Variants in RCAN2 observed in about 807,000 individuals in gnomAD.
RCAN2 encodes the protein regulator of calcineurin 2, also known as calcipressin-2.
In RCAN2, 9 loss-of-function variants were observed where a neutral mutation model predicts 23.6. The observed-to-expected ratio is 0.38, with a 90% CI of 0.23 to 0.67. The LOEUF (loss-of-function observed/expected upper bound fraction) is 0.67. Ranked by LOEUF, RCAN2 falls within the 30% of genes least tolerant of loss-of-function variation. The pLI, the probability that RCAN2 is intolerant of heterozygous loss-of-function variation, is 0.51. For missense variants in RCAN2, 273 were observed against 302.3 expected (o/e 0.90, Z 0.72); for synonymous variants, 109 against 115.7 (o/e 0.94, Z 0.37).
At chr6:46,362,806 A>G (rs1765055205) in intron 2 of RCAN2, among the ~76,000 whole-genome samples, 1 of 152,122 alleles carries the variant, frequency 6.6e-6, no homozygotes, top group South Asian at 2.1e-4. Context: ...CATATTTTCA[A>G]ATGTATCCAG....
At chr6:46,244,227 A>G (rs1226419823) in intron 4 of RCAN2, among the ~76,000 whole-genome samples, 1 of 152,182 alleles carries the variant, frequency 6.6e-6, no homozygotes, top group Non-Finnish European at 1.5e-5. Flanking sequence ...AACATTATTG[A>G]TAAGTTATTT....
intron 2 of RCAN2, among the ~76,000 whole-genome samples, chr6:46,424,471 T>TACCAACCCATCCTCCAGTTC (rs1766979303): frequency 1.3e-5 from 2 of 152,256 alleles, no homozygotes; most frequent in South Asian, 4.1e-4. Context: ...GGACTCAGTT[T>TACCAACCCATCCTCCAGTTC]ACCAACCCAT....
intron 2 of RCAN2, among the ~76,000 whole-genome samples, chr6:46,316,331 C>G (rs1763437172): frequency 6.6e-6 from 1 of 152,106 alleles, no homozygotes; most frequent in Non-Finnish European, 1.5e-5. Flanking sequence ...ATGAGGTAAG[C>G]AGTATTATTT....
intron 2 of RCAN2, among the ~76,000 whole-genome samples, chr6:46,388,292 A>G (rs1168528870): frequency 6.6e-6 from 1 of 151,946 alleles, no homozygotes; most frequent in African/African-American, 2.4e-5. Context: ...AATTTTAAAA[A>G]AAAGAAACAA....
chr6:46,313,839 CTGT>C (rs1763341327), intron 2 of RCAN2, among the ~76,000 whole-genome samples: 1 of 152,298 alleles, frequency 6.6e-6, no homozygotes, highest in East Asian at 1.9e-4. Flanking sequence ...TAAATGCTAA[CTGT>C]TGTTAGTAAT....
chr6:46,484,660 G>A (rs1768948135), intron 1 of RCAN2, among the ~76,000 whole-genome samples: 1 of 152,220 alleles, frequency 6.6e-6, no homozygotes, highest in Non-Finnish European at 1.5e-5. Flanking sequence ...GATGACAGCT[G>A]TCAGCAGTCA....
At chr6:46,448,191 A>C (rs1209056407) in intron 2 of RCAN2, among the ~76,000 whole-genome samples, 1 of 151,802 alleles carries the variant, frequency 6.6e-6, no homozygotes, top group Non-Finnish European at 1.5e-5. Context: ...GATCATAGGA[A>C]ATTACTATGA....
intron 2 of RCAN2, among the ~76,000 whole-genome samples, chr6:46,293,387 G>T (rs1401841329): frequency 6.6e-6 from 1 of 152,106 alleles, no homozygotes; most frequent in Non-Finnish European, 1.5e-5. Flanking sequence ...TCATGCCAAA[G>T]AATTATTTTT....
intron 2 of RCAN2, among the ~76,000 whole-genome samples, chr6:46,430,088 T>G (rs1767147132): frequency 6.6e-6 from 1 of 152,178 alleles, no homozygotes; most frequent in Admixed American, 6.5e-5. Context: ...ATACCATATT[T>G]GAGCTTTGAA....
intron 2 of RCAN2, among the ~76,000 whole-genome samples, chr6:46,317,575 C>T (rs1172773763): frequency 6.6e-6 from 1 of 152,296 alleles, no homozygotes; most frequent in East Asian, 1.9e-4. Flanking sequence ...CATTCTCCTG[C>T]CTCATCCTCC....
intron 2 of RCAN2, among the ~76,000 whole-genome samples, chr6:46,397,698 A>G (rs1251917951): frequency 1.3e-5 from 2 of 152,182 alleles, no homozygotes; most frequent in African/African-American, 4.8e-5. Flanking sequence ...AATATTAAAC[A>G]CTTTTCATTT....
intron 2 of RCAN2, among the ~76,000 whole-genome samples, chr6:46,321,968 G>A (rs1582102722): frequency 1.3e-5 from 2 of 152,256 alleles, no homozygotes; most frequent in Middle Eastern, 3.4e-3. Flanking sequence ...CAAGACACTG[G>A]CTTTATATGA....
chr6:46,486,026 C>T (rs1021324376), intron 1 of RCAN2, among the ~76,000 whole-genome samples: 2 of 152,198 alleles, frequency 1.3e-5, no homozygotes, highest in African/African-American at 4.8e-5. Flanking sequence ...TAATTGATTT[C>T]TTGTTATTAG....
chr6:46,363,882 G>A (rs771452212), intron 2 of RCAN2, among the ~76,000 whole-genome samples: 1 of 152,108 alleles, frequency 6.6e-6, no homozygotes, highest in African/African-American at 2.4e-5. Flanking sequence ...GGTTAAAGGA[G>A]AATCCAAAGA....
intron 1 of RCAN2, among the ~76,000 whole-genome samples, chr6:46,465,993 T>C (rs1348520552): frequency 2.0e-5 from 3 of 152,166 alleles, no homozygotes; most frequent in African/African-American, 7.2e-5. Context: ...GCATTTTTCT[T>C]AGAAACAAAA....
chr6:46,241,959 C>T (rs1766320711), intron 4 of RCAN2, among the ~76,000 whole-genome samples: 1 of 152,060 alleles, frequency 6.6e-6, no homozygotes, highest in African/African-American at 2.4e-5. Context: ...TTTACTTACT[C>T]TCTGGATCAA....
At chr6:46,413,918 T>C (rs976081391) in intron 2 of RCAN2, among the ~76,000 whole-genome samples, 1 of 151,838 alleles carries the variant, frequency 6.6e-6, no homozygotes, top group Non-Finnish European at 1.5e-5. Context: ...ACTCCTTGAG[T>C]TTTCTTCTCT....
chr6:46,361,971 C>T lies in RCAN2; in HGVS notation c.225+94781G>A, dbSNP rs370470933. ...TTTCAGCAGAGAAAGTTTTAAGAGA[C>T]AGAGAAAAACATCAATAAGCAAGGA... is the stretch of plus-strand genomic sequence containing the variant. On this transcript the variant is annotated intron_variant, in intron 2 of 4. Coordinates refer to ENST00000371374, the MANE Select transcript of RCAN2 (RefSeq NM_001251974.2). 1.0e-3 allele frequency among the ~76,000 whole-genome samples: 152 copies of T among 152,238 alleles called. 2 individuals carry two copies. The highest frequency in any genetic ancestry group is 3.4e-3 in the African/African-American group (142 of 41,540).
intron 2 of RCAN2, among the ~76,000 whole-genome samples, chr6:46,374,840 C>T (rs1219327483): frequency 6.6e-6 from 1 of 152,076 alleles, no homozygotes; most frequent in African/African-American, 2.4e-5. Flanking sequence ...AAAGAAAACA[C>T]CTTTGCTGGC....
Sources: gnomAD v4.1 joint callset for allele counts (sites outside exome capture counted in the v4.1 genomes callset) on GRCh38, gnomAD v4.1.1 for gene constraint, MANE v1.5 for transcripts, NCBI Gene and HGNC (gene_info 2026-07-23, HGNC 2026-07-21) for gene names.